Variants in PELI1 observed in about 807,000 individuals in gnomAD.
PELI1 encodes the protein E3 ubiquitin-protein ligase pellino homolog 1.
In PELI1, 15 loss-of-function variants were observed where a neutral mutation model predicts 41.3. The observed-to-expected ratio is 0.36, with a 90% CI of 0.24 to 0.56. The LOEUF (loss-of-function observed/expected upper bound fraction) is 0.56, where lower values mean the gene tolerates loss of function less well. Ranked by LOEUF, PELI1 falls within the 20% of genes least tolerant of loss-of-function variation. The probability of loss-of-function intolerance (pLI) is 0.82; values close to 1 mark genes in which losing one functional copy is unlikely to be tolerated. For missense variants in PELI1, 403 were observed against 525.5 expected, an observed-to-expected ratio of 0.77 and a Z score of 2.28; for synonymous variants, 178 against 180.1, an observed-to-expected ratio of 0.99 and a Z score of 0.09.
intron 1 of PELI1, among the ~76,000 whole-genome samples, chr2:64,142,737 TACC>T (rs1454289113): frequency 6.6e-6 from 1 of 152,188 alleles, no homozygotes; most frequent in African/African-American, 2.4e-5. Flanking sequence ...AGTGAACCTT[TACC>T]ACAATTAAAA....
chr2:64,118,041 C>T (rs1312378585), intron 1 of PELI1, among the ~76,000 whole-genome samples: 2 of 152,120 alleles, frequency 1.3e-5, no homozygotes, highest in African/African-American at 4.8e-5. Flanking sequence ...GATATCCTGA[C>T]CTCGTGATCT....
chr2:64,104,303 T>C (rs761582579), intron 3 of PELI1, among the ~76,000 whole-genome samples: 3 of 150,612 alleles, frequency 2.0e-5, no homozygotes, highest in Non-Finnish European at 4.4e-5. Flanking sequence ...TTCTAATACC[T>C]GAATACACAT....
intron 1 of PELI1, among the ~76,000 whole-genome samples, chr2:64,116,277 T>C (rs1254598115): frequency 6.6e-6 from 1 of 152,244 alleles, no homozygotes; most frequent in Non-Finnish European, 1.5e-5. Context: ...TTATTGTCTG[T>C]GCCCATTCTT....
intron 4 of PELI1, among the ~76,000 whole-genome samples, chr2:64,099,205 T>C (rs1056418071): frequency 1.3e-4 from 17 of 132,714 alleles, no homozygotes; most frequent in African/African-American, 2.7e-4. Context: ...CACACACATA[T>C]ATATTTATCT....
intron 4 of PELI1, 83 bp downstream of exon 4, chr2:64,100,315 C>T (rs1317470508): frequency 1.4e-6 from 1 of 739,048 alleles, no homozygotes; most frequent in Non-Finnish European, 2.4e-6. Flanking sequence ...ATCTGATAAT[C>T]CTCTGACCTC....
chr2:64,131,321 CAT>C (rs1193996121), intron 1 of PELI1, among the ~76,000 whole-genome samples: 1 of 150,896 alleles, frequency 6.6e-6, no homozygotes, highest in Non-Finnish European at 1.5e-5. Flanking sequence ...TATATACACA[CAT>C]ATATATATAC....
intron 1 of PELI1, among the ~76,000 whole-genome samples, chr2:64,114,900 G>A (rs1053982187): frequency 6.6e-6 from 1 of 152,066 alleles, no homozygotes; most frequent in East Asian, 1.9e-4. Context: ...ATTGTTCTTA[G>A]GATGGAAATT....
At chr2:64,123,261 A>C (rs1681281958) in intron 1 of PELI1, among the ~76,000 whole-genome samples, 1 of 152,216 alleles carries the variant, frequency 6.6e-6, no homozygotes, top group Non-Finnish European at 1.5e-5. Context: ...CTTTTTGCTC[A>C]CCAGATAGAG....
At chr2:64,139,112 CAG>C (rs1221760766) in intron 1 of PELI1, among the ~76,000 whole-genome samples, 7 of 152,150 alleles carry the variant, frequency 4.6e-5, no homozygotes, top group African/African-American at 7.2e-5. Context: ...ATTAAATATC[CAG>C]AGTCTAAATT....
At chr2:64,110,076 C>T (rs748818066) in intron 1 of PELI1, among the ~76,000 whole-genome samples, 3 of 151,946 alleles carry the variant, frequency 2.0e-5, no homozygotes, top group Non-Finnish European at 4.4e-5. Flanking sequence ...GAAACCCCGT[C>T]TCTACTAAAA....
chr2:64,133,225 ATTTGT>A (rs1681612839), intron 1 of PELI1, among the ~76,000 whole-genome samples: 1 of 152,184 alleles, frequency 6.6e-6, no homozygotes, highest in Non-Finnish European at 1.5e-5. Flanking sequence ...TTCTTCAATC[ATTTGT>A]TTTAACATCA....
At position 64,094,853 on chromosome 2, in the gene PELI1, T is replaced by C. The variant is rs1680172854; in HGVS notation, c.1106A>G (p.His369Arg). 1.2e-6 allele frequency: 2 copies of C among 1,614,184 alleles called. No individual in the cohort carries two copies. The highest frequency in any genetic ancestry group is 2.2e-5 in the East Asian group (1 of 44,888). Residue 369 changes from histidine (H) to arginine (R), a missense_variant, in exon 7 of 7, where the codon CAT (histidine) becomes CGT (arginine). By Grantham distance (29) the His-to-Arg change is conservative (BLOSUM62 0). Transcript: ENST00000358912. ...GGCAGTTGTCTTTTCTGAACACACA[T>C]GCCCACACGGGCTAAACGCATGGGT... ...PPTHAFSPCG[H>R]VCSEKTTAYW...
At position 64,096,259 on chromosome 2, in the gene PELI1, T is replaced by C. The variant is rs745816825; in HGVS notation, c.556A>G (p.Asn186Asp). 2.5e-6 allele frequency: 4 copies of C among 1,614,084 alleles called. No individual in the cohort carries two copies. Among genetic ancestry groups the C allele is most frequent in the Non-Finnish European group, 3.4e-6 (4 of 1,179,916 alleles). ...CGTGGATGCATCACAAGAACACCAT[T>C]AGTGGTCAAGCCATCCATCTGTCCA... ...SDGQMDGLTT[N>D]GVLVMHPRNG... Residue 186 changes from asparagine (N) to aspartate (D), a missense_variant, in exon 6 of 7, where the codon AAT becomes GAT. By Grantham distance (23) the Asn-to-Asp change is conservative. Coordinates refer to ENST00000358912, the MANE Select transcript of PELI1 (RefSeq NM_020651.4).
chr2:64,098,821 T>C (rs544901049), intron 4 of PELI1, among the ~76,000 whole-genome samples: 13 of 152,348 alleles, frequency 8.5e-5, no homozygotes, highest in Admixed American at 3.3e-4. Flanking sequence ...TAGTTTCTGA[T>C]ACATCACAGT....
At chr2:64,132,797 TAAGTA>T (rs1229290964) in intron 1 of PELI1, among the ~76,000 whole-genome samples, 2 of 152,206 alleles carry the variant, frequency 1.3e-5, no homozygotes, top group African/African-American at 4.8e-5. Context: ...AGTACTTTTA[TAAGTA>T]AAGTGTGGTC....
intron 2 of PELI1, chr2:64,106,332 T>G (rs1255228417): frequency 1.3e-5 from 2 of 152,196 alleles, no homozygotes; most frequent in Non-Finnish European, 2.9e-5. Flanking sequence ...TATCTGCATT[T>G]TAAGACACCA....
chr2:64,114,683 A>T (rs778182853), intron 1 of PELI1, among the ~76,000 whole-genome samples: 1 of 152,180 alleles, frequency 6.6e-6, no homozygotes, highest in Non-Finnish European at 1.5e-5. Flanking sequence ...GGGGCTTCTC[A>T]ACTTGGGCAT....
intron 1 of PELI1, among the ~76,000 whole-genome samples, chr2:64,116,270 T>C (rs565242054): frequency 2.8e-4 from 42 of 152,302 alleles, no homozygotes; most frequent in African/African-American, 7.9e-4. Flanking sequence ...AACAGTTTTA[T>C]TGTCTGTGCC....
At position 64,098,891 on chromosome 2, in the gene PELI1, A is replaced by G. The variant is rs989363013; in HGVS notation, c.303+1507T>C. The stretch of plus-strand genomic sequence containing the variant: ...GTATAATACCTGTAGAAAGGGCATA[A>G]TCAGTTTATGATACTGGGGAAAATT... On this transcript the variant is annotated intron_variant, in intron 4 of 6. Coordinates refer to ENST00000358912, the MANE Select transcript of PELI1 (RefSeq NM_020651.4). Among the ~76,000 whole-genome samples the G allele has an allele frequency of 2.0e-5, 3 of 152,198 alleles. 1 individual carries two copies. Among genetic ancestry groups the G allele is most frequent in the African/African-American group, 7.2e-5 (3 of 41,450 alleles).
Sources: allele counts gnomAD v4.1 joint callset (sites outside exome capture counted in the v4.1 genomes callset), GRCh38; gene constraint gnomAD v4.1.1; transcripts MANE v1.5; gene names NCBI Gene and HGNC (gene_info 2026-07-23, HGNC 2026-07-21).